ANO3: variants seen among roughly 807,000 people sequenced by gnomAD.
ANO3 encodes the protein anoctamin 3, also known as anoctamin-3.
A neutral mutation model predicts 144.8 loss-of-function variants in ANO3; 99 were observed. The ratio of observed to expected loss-of-function variants is 0.68; its 90% CI spans 0.58 to 0.81. ANO3 has a LOEUF of 0.81. Ranked by LOEUF, ANO3 falls within the 30% of genes least tolerant of loss-of-function variation. ANO3 has a pLI of 0.00. For missense variants in ANO3, 905 were observed against 1,202.2 expected, an observed-to-expected ratio of 0.75 and a Z score of 3.66; for synonymous variants, 414 against 392.6, an observed-to-expected ratio of 1.05 and a Z score of -0.64.
intron 1 of ANO3, among the ~76,000 whole-genome samples, chr11:26,384,764 TCC>T (rs1856680119): frequency 6.6e-6 from 1 of 152,198 alleles, no homozygotes; most frequent in Non-Finnish European, 1.5e-5. Context: ...ATATTCTTAC[TCC>T]CTAGACACTA....
chr11:26,350,901 G>T (rs560836040), intron 1 of ANO3, among the ~76,000 whole-genome samples: 1 of 152,124 alleles, frequency 6.6e-6, no homozygotes, highest in South Asian at 2.1e-4. Flanking sequence ...CCAAATTCTT[G>T]TAGGTTTTCT....
intron 5 of ANO3, among the ~76,000 whole-genome samples, chr11:26,511,271 C>T (rs117823677): frequency 0.022 from 3,352 of 152,258 alleles, 63 homozygotes; most frequent in Non-Finnish European, 0.035. Flanking sequence ...TTTTCCAGAA[C>T]AGATATTATT....
chr11:26,457,047 G>A (rs1859189341), intron 3 of ANO3, among the ~76,000 whole-genome samples: 1 of 143,054 alleles, frequency 7.0e-6, no homozygotes, highest in African/African-American at 2.6e-5. Context: ...GACACAGGAA[G>A]GGGAACATCA....
At chr11:26,385,350 A>G (rs1856693662) in intron 1 of ANO3, among the ~76,000 whole-genome samples, 1 of 152,212 alleles carries the variant, frequency 6.6e-6, no homozygotes, top group Admixed American at 6.5e-5. Context: ...AATTACCACA[A>G]ATGTAGTCAA....
chr11:26,321,495 G>A (rs2133879360), intron 1 of ANO3, among the ~76,000 whole-genome samples: 1 of 151,896 alleles, frequency 6.6e-6, no homozygotes, highest in Middle Eastern at 3.4e-3. Flanking sequence ...ATAAATCTTG[G>A]AGTCTGTCTT....
intron 1 of ANO3, among the ~76,000 whole-genome samples, chr11:26,413,813 A>G (rs756497593): frequency 2.0e-5 from 3 of 152,064 alleles, no homozygotes; most frequent in Non-Finnish European, 2.9e-5. Context: ...GTCTGTGAGA[A>G]TATGTTATCT....
At chr11:26,403,656 C>T (rs150275854) in intron 1 of ANO3, among the ~76,000 whole-genome samples, 374 of 151,986 alleles carry the variant, frequency 2.5e-3, no homozygotes, top group Middle Eastern at 0.024. Flanking sequence ...CCTGTTTTAA[C>T]CTTCTAATGA....
chr11:26,647,752 G>A lies in ANO3; in HGVS notation c.2472G>A (p.Val824=), dbSNP rs1853396114. The A allele has an allele frequency of 1.2e-6, 2 of 1,612,508 alleles. No individual in the cohort carries two copies. Among genetic ancestry groups the A allele is most frequent in the African/African-American group, 2.7e-5 (2 of 75,002 alleles). ...GILEGIGILA[V]ITNAFVIAIT... ...TCGAAGGAATCGGTATATTGGCTGT[G>A]ATCACCAATGCATTTGTAATTGCTA... Residue 824 remains valine, a synonymous_variant, in exon 24 of 27, where the codon GTG becomes GTA. Transcript: ENST00000256737.
At chr11:26,250,243 T>C (rs1852896240) in intron 1 of ANO3, among the ~76,000 whole-genome samples, 1 of 152,242 alleles carries the variant, frequency 6.6e-6, no homozygotes, top group African/African-American at 2.4e-5. Flanking sequence ...TTCTTTCTTC[T>C]GTGGCAGCTA....
chr11:26,626,588 G>A (rs1852591938), intron 18 of ANO3, among the ~76,000 whole-genome samples: 4 of 152,172 alleles, frequency 2.6e-5, no homozygotes, highest in Admixed American at 2.6e-4. Context: ...GAGGCTGACT[G>A]TACTCCTTGC....
intron 6 of ANO3, among the ~76,000 whole-genome samples, chr11:26,525,049 A>G (rs906310589): frequency 1.9e-4 from 29 of 152,124 alleles, no homozygotes; most frequent in Non-Finnish European, 3.8e-4. Context: ...CTCCACCTGT[A>G]AAAACTAATT....
chr11:26,501,436 AG>A, intron 4 of ANO3, among the ~76,000 whole-genome samples: 1 of 152,176 alleles, frequency 6.6e-6, no homozygotes. Flanking sequence ...TGTAGAGAAA[AG>A]GAGTACTGTG....
intron 13 of ANO3, among the ~76,000 whole-genome samples, chr11:26,553,642 G>C (rs944632550): frequency 2.0e-5 from 3 of 151,848 alleles, no homozygotes; most frequent in Non-Finnish European, 4.4e-5. Flanking sequence ...TACTTCTATT[G>C]CTACTTACTA....
chr11:26,331,216 A>C (rs1030605208), upstream of ANO3, among the ~76,000 whole-genome samples: 1 of 152,156 alleles, frequency 6.6e-6, no homozygotes. Flanking sequence ...ACAATAGCTA[A>C]TGGCTGCTGG....
intron 3 of ANO3, among the ~76,000 whole-genome samples, chr11:26,445,432 T>C (rs16915681): frequency 1.7e-3 from 266 of 152,326 alleles, no homozygotes; most frequent in African/African-American, 6.0e-3. Flanking sequence ...TGGCTTGCCA[T>C]TCCAAATATT....
intron 3 of ANO3, among the ~76,000 whole-genome samples, chr11:26,451,391 GC>G (rs1565032585): frequency 6.6e-6 from 1 of 152,176 alleles, no homozygotes; most frequent in African/African-American, 2.4e-5. Context: ...CGAATACTGC[GC>G]TTTTCCGACG....
chr11:26,585,837 T>C (rs770270326), intron 14 of ANO3, among the ~76,000 whole-genome samples: 10 of 152,234 alleles, frequency 6.6e-5, no homozygotes, highest in Non-Finnish European at 1.3e-4. Context: ...ATAGCCATTT[T>C]ATGAAACATT....
At position 26,534,373 on chromosome 11, in the gene ANO3, G is replaced by A. The variant is rs143704682; in HGVS notation, c.870-83G>A. On this transcript the variant is annotated intron_variant, in intron 8 of 26. Coordinates refer to ENST00000256737, the MANE Select transcript of ANO3 (RefSeq NM_031418.4). ...CCTTCTGATTTACTATGCTTCATAT[G>A]CATTAGCTTTAATGGAACTTGTAAC... 1.8e-4 allele frequency: 144 copies of A among 820,020 alleles called. No individual in the cohort carries two copies. The East Asian group carries it at 2.8e-3, about 16-fold the overall frequency. 50.8% of individuals were successfully genotyped at this position (820,020 alleles called of 1,614,324 possible). A position where few individuals can be genotyped will look rare whatever the true frequency, so the allele number is the denominator to read the frequency against.
Position 26,639,225 on chromosome 11 carries a change from A to G in ANO3, c.2125A>G (p.Met709Val). 1 of 1,613,226 alleles carries G rather than the reference A, an allele frequency of 6.2e-7. No individual in the cohort carries two copies. Among genetic ancestry groups the G allele is most frequent in the East Asian group, 2.2e-5 (1 of 44,842 alleles). The stretch of plus-strand genomic sequence containing the variant: ...TTTGAAGCAAATATGGAACAACTTC[A>G]TGGAACTAGGATACCCGTGAGCACA... ...MFLKQIWNNF[M>V]ELGYPLIQNW... Residue 709 changes from methionine (M) to valine (V), a missense_variant, in exon 21 of 27, where the codon ATG becomes GTG. Coordinates refer to ENST00000256737, the MANE Select transcript of ANO3 (RefSeq NM_031418.4).
Sources: gnomAD v4.1 joint callset for allele counts (sites outside exome capture counted in the v4.1 genomes callset) on GRCh38, gnomAD v4.1.1 for gene constraint, MANE v1.5 for transcripts, NCBI Gene and HGNC (gene_info 2026-07-23, HGNC 2026-07-21) for gene names.